The following KCNT2 variants were observed in gnomAD, a reference collection of about 807,000 sequenced individuals.
KCNT2 encodes potassium sodium-activated channel subfamily T member 2, also known as potassium channel subfamily T member 2.
KCNT2 carries 67 observed loss-of-function variants against 153.8 expected under a neutral mutation model. That is an observed-to-expected ratio of 0.44 (90% CI 0.36 to 0.53). KCNT2 has a LOEUF of 0.53. Among genes scored for constraint, KCNT2 ranks in the 20% least tolerant of loss-of-function variants. The probability of loss-of-function intolerance (pLI) is 0.00; values close to 1 mark genes in which losing one functional copy is unlikely to be tolerated. For synonymous variants in KCNT2, 500 were observed against 458.8 expected, an observed-to-expected ratio of 1.09 and a Z score of -1.15; for missense variants, 975 against 1,354.8, an observed-to-expected ratio of 0.72 and a Z score of 4.40.
intron 21 of KCNT2, among the ~76,000 whole-genome samples, chr1:196,313,624 A>C (rs1662408386): frequency 6.6e-6 from 1 of 151,636 alleles, no homozygotes; most frequent in African/African-American, 2.4e-5. Flanking sequence ...TTTATCATGT[A>C]AAACTAGCCT....
intron 1 of KCNT2, among the ~76,000 whole-genome samples, chr1:196,562,693 T>A (rs1017525354): frequency 2.0e-5 from 3 of 151,482 alleles, no homozygotes; most frequent in African/African-American, 7.3e-5. Flanking sequence ...AGTAAGGTTC[T>A]GATTTCTTTC....
In KCNT2 at chr1:196,228,236, T is replaced by A. The variant is rs766764860; in HGVS notation, c.3396A>T (p.Glu1132Asp). 5.6e-6 allele frequency: 9 copies of A among 1,603,094 alleles called. No homozygotes were observed. The highest frequency in any genetic ancestry group is 6.8e-6 in the Non-Finnish European group (8 of 1,171,314). Residue 1132 changes from glutamate (E) to aspartate (D), a missense_variant, in exon 28 of 28, where the codon GAA (glutamate) becomes GAT (aspartate). This residue lies in a region of KCNT2 where 241 missense variants were observed against 271.1 expected (regional missense o/e 0.89). Coordinates refer to ENST00000294725, the MANE Select transcript of KCNT2 (RefSeq NM_198503.5). Reference sequence around the variant, plus strand: ...CATTTTATTTTTATCAAAGTTGAGTTTCCTCCCGAGAATCTTGACCAGTGA... The same window carrying A: ...CATTTTATTTTTATCAAAGTTGAGTATCCTCCCGAGAATCTTGACCAGTGA... ...CNVTGQDSREETQL is the reference protein window; with the variant it reads ...CNVTGQDSREDTQL
At chr1:196,597,332 T>C (rs1343975204) in intron 1 of KCNT2, among the ~76,000 whole-genome samples, 2 of 151,622 alleles carry the variant, frequency 1.3e-5, no homozygotes, top group Non-Finnish European at 2.9e-5. Flanking sequence ...GTACACAATA[T>C]AATATATCAA....
chr1:196,483,202 A>T (rs116273461), intron 3 of KCNT2, among the ~76,000 whole-genome samples: 1,720 of 152,254 alleles, frequency 0.011, 27 homozygotes, highest in South Asian at 0.071. Context: ...AAACTTGAGC[A>T]TCCTTTTAGA....
chr1:196,229,476 C>G (rs976371283), intron 27 of KCNT2, among the ~76,000 whole-genome samples: 2 of 151,976 alleles, frequency 1.3e-5, no homozygotes, highest in Non-Finnish European at 2.9e-5. Flanking sequence ...CCCCAAGACA[C>G]AAAAACATTA....
At position 196,406,915 on chromosome 1, in the gene KCNT2, G is replaced by T. The variant is rs951005212; in HGVS notation, c.1186-8244C>A. ...CATATATATTATCAAAATCTTACCAGAAATTTTGGGACTGAGCAGCAAGTC... is the reference window on the plus strand; with the variant it reads ...CATATATATTATCAAAATCTTACCATAAATTTTGGGACTGAGCAGCAAGTC... On this transcript the variant is annotated intron_variant, in intron 12 of 27. Transcript: ENST00000294725. Among the ~76,000 whole-genome samples, 33 of 151,344 alleles carry T rather than the reference G, an allele frequency of 2.2e-4. 1 individual carries two copies. The highest frequency in any genetic ancestry group is 7.4e-5 in the Non-Finnish European group (5 of 67,616).
chr1:196,419,206 A>G (rs913915881), intron 12 of KCNT2, among the ~76,000 whole-genome samples: 3 of 150,662 alleles, frequency 2.0e-5, no homozygotes, highest in Non-Finnish European at 4.4e-5. Flanking sequence ...TTTAAGTTTT[A>G]GGGTACATGT....
chr1:196,505,158 T>C (rs928039723), intron 1 of KCNT2, among the ~76,000 whole-genome samples: 7 of 152,062 alleles, frequency 4.6e-5, no homozygotes, highest in African/African-American at 1.7e-4. Context: ...AAGTCCTTGC[T>C]CCTGCCTATG....
intron 25 of KCNT2, among the ~76,000 whole-genome samples, chr1:196,272,876 A>T (rs1658200317): frequency 6.6e-6 from 1 of 151,858 alleles, no homozygotes; most frequent in African/African-American, 2.4e-5. Context: ...TTCTGTTATA[A>T]AGTGAATAAG....
intron 13 of KCNT2, among the ~76,000 whole-genome samples, chr1:196,378,335 T>A (rs1038459770): frequency 6.6e-5 from 10 of 152,130 alleles, no homozygotes; most frequent in African/African-American, 2.4e-4. Flanking sequence ...CTTAGCAAAT[T>A]TATTAATGTG....
At chr1:196,339,157 AT>A (rs1665342431) in intron 16 of KCNT2, among the ~76,000 whole-genome samples, 1 of 152,008 alleles carries the variant, frequency 6.6e-6, no homozygotes, top group Non-Finnish European at 1.5e-5. Flanking sequence ...TTTACGGACA[AT>A]AGAATCCATG....
At chr1:196,455,506 A>G (rs902400271) in intron 8 of KCNT2, among the ~76,000 whole-genome samples, 2 of 151,846 alleles carry the variant, frequency 1.3e-5, no homozygotes, top group African/African-American at 4.8e-5. Flanking sequence ...TCTTTCCTCA[A>G]AACAGCATAC....
chr1:196,370,805 C>T (rs1414279534), intron 14 of KCNT2, among the ~76,000 whole-genome samples: 1 of 151,998 alleles, frequency 6.6e-6, no homozygotes, highest in East Asian at 1.9e-4. Flanking sequence ...CAAATACCCA[C>T]CAACTGATGA....
chr1:196,251,188 G>T (rs1273438720), intron 26 of KCNT2, among the ~76,000 whole-genome samples: 6 of 152,082 alleles, frequency 3.9e-5, no homozygotes, highest in African/African-American at 1.4e-4. Flanking sequence ...CAATAGCCAA[G>T]ATTTGGAAGC....
At chr1:196,469,394 A>T (rs1435704613) in intron 5 of KCNT2, among the ~76,000 whole-genome samples, 1 of 152,174 alleles carries the variant, frequency 6.6e-6, no homozygotes, top group African/African-American at 2.4e-5. Flanking sequence ...GTCAATTAAA[A>T]AGTGACAATT....
At chr1:196,561,718 A>G (rs2148924640) in intron 1 of KCNT2, among the ~76,000 whole-genome samples, 1 of 149,830 alleles carries the variant, frequency 6.7e-6, no homozygotes, top group Admixed American at 6.7e-5. Flanking sequence ...TGCTCGTTAC[A>G]CAGCCTCAGG....
intron 18 of KCNT2, among the ~76,000 whole-genome samples, chr1:196,330,883 T>C (rs574437031): frequency 6.6e-6 from 1 of 151,966 alleles, no homozygotes; most frequent in South Asian, 2.1e-4. Flanking sequence ...TGAGGGTTCA[T>C]AGGGATGAGA....
rs111340564 is a variant in KCNT2, at chr1:196,522,594, G to A, written c.96-30253C>T. Among the ~76,000 whole-genome samples the A allele has an allele frequency of 8.2e-4, 125 of 152,256 alleles. 2 individuals are homozygous for A. In the South Asian group the frequency reaches 0.012, roughly 15 times the overall value. On this transcript the variant is annotated intron_variant, in intron 1 of 27. Coordinates refer to ENST00000294725, the MANE Select transcript of KCNT2 (RefSeq NM_198503.5). ...CATACTAGTGAGAGGTGAAGCCAGC[G>A]GGACTTCCTGGGTCGAGTGGGGACT...
intron 1 of KCNT2, among the ~76,000 whole-genome samples, chr1:196,574,196 TAA>T (rs1321461398): frequency 2.6e-5 from 4 of 152,092 alleles, no homozygotes; most frequent in African/African-American, 9.6e-5. Flanking sequence ...GAAGCATAAA[TAA>T]GAGTAAATAT....
Sources: gnomAD v4.1 joint callset for allele counts (sites outside exome capture counted in the v4.1 genomes callset) on GRCh38, gnomAD v4.1.1 for gene constraint, gnomAD v4.1.1 regional missense constraint, MANE v1.5 for transcripts, NCBI Gene and HGNC (gene_info 2026-07-23, HGNC 2026-07-21) for gene names.